Variants in LDB2 observed in about 807,000 individuals in gnomAD.
LDB2 encodes LIM domain-binding protein 2.
In LDB2, 12 loss-of-function variants were observed where a neutral mutation model predicts 44.3. The ratio of observed to expected loss-of-function variants is 0.27; its 90% CI spans 0.17 to 0.44. The LOEUF (loss-of-function observed/expected upper bound fraction) is 0.44, where lower values mean the gene tolerates loss of function less well. LDB2 is among the 20% of genes least tolerant of loss of function. The pLI, the probability that LDB2 is intolerant of heterozygous loss-of-function variation, is 1.00. For synonymous variants in LDB2, 164 were observed against 174.8 expected, an observed-to-expected ratio of 0.94 and a Z score of 0.49; for missense variants, 344 against 473.5, an observed-to-expected ratio of 0.73 and a Z score of 2.54.
At chr4:16,787,882 G>A (rs765776460) in intron 1 of LDB2, among the ~76,000 whole-genome samples, 1 of 152,156 alleles carries the variant, frequency 6.6e-6, no homozygotes, top group Non-Finnish European at 1.5e-5. Flanking sequence ...TGTAAATATT[G>A]TTACTAGAAA....
chr4:16,805,268 G>A (rs1778564445), intron 1 of LDB2, among the ~76,000 whole-genome samples: 1 of 152,194 alleles, frequency 6.6e-6, no homozygotes, highest in Admixed American at 6.5e-5. Flanking sequence ...TGGAAGGGAT[G>A]AAAGCATTCG....
At chr4:16,508,711 G>C (rs190495379) in intron 6 of LDB2, 25 bp from the exon 7 acceptor site, 1 of 1,610,730 alleles carries the variant, frequency 6.2e-7, no homozygotes, top group Admixed American at 1.7e-5. Context: ...AGGGAAGAGG[G>C]ATCAGTTCTA....
At chr4:16,802,420 C>A (rs1188333390) in intron 1 of LDB2, among the ~76,000 whole-genome samples, 1 of 152,080 alleles carries the variant, frequency 6.6e-6, no homozygotes, top group Non-Finnish European at 1.5e-5. Context: ...GGGTGTGTTC[C>A]TTCCTGGGGA....
chr4:16,808,600 G>C (rs1267503778), intron 1 of LDB2, among the ~76,000 whole-genome samples: 1 of 152,164 alleles, frequency 6.6e-6, no homozygotes, highest in African/African-American at 2.4e-5. Context: ...ACTTGAGACA[G>C]TTTTGATTTA....
chr4:16,631,352 T>C (rs13140651), intron 2 of LDB2, among the ~76,000 whole-genome samples: 138,023 of 152,174 alleles, frequency 0.91, 62,650 homozygotes, highest in Admixed American at 0.95. Context: ...AATAATGAAA[T>C]GAAGGCAGAA....
At chr4:16,850,120 A>C (rs1237379542) in intron 1 of LDB2, among the ~76,000 whole-genome samples, 1 of 152,200 alleles carries the variant, frequency 6.6e-6, no homozygotes, top group African/African-American at 2.4e-5. Flanking sequence ...AGGTAGCATT[A>C]GAAAGAGGGC....
intron 1 of LDB2, among the ~76,000 whole-genome samples, chr4:16,839,124 T>C (rs539111806): frequency 3.3e-5 from 5 of 152,324 alleles, no homozygotes; most frequent in East Asian, 1.9e-4. Context: ...TACAAGCTTA[T>C]ATTTAAGCAA....
At chr4:16,560,019 C>G (rs369067465) in intron 5 of LDB2, among the ~76,000 whole-genome samples, 2 of 152,040 alleles carry the variant, frequency 1.3e-5, no homozygotes, top group Admixed American at 6.6e-5. Context: ...TGAAACCAAC[C>G]AGAACAAAGA....
intron 2 of LDB2, among the ~76,000 whole-genome samples, chr4:16,695,603 CAATTTTTTTCTGTAAAGGATTAAATACTA>C (rs1751946056): frequency 6.6e-6 from 1 of 152,120 alleles, no homozygotes; most frequent in South Asian, 2.1e-4. Context: ...TAGGGATTGT[CAATTTTTTTCTGTAAAGGATTAAATACTA>C]AATATTTTAG....
intron 2 of LDB2, among the ~76,000 whole-genome samples, chr4:16,632,885 C>G (rs1164825491): frequency 3.9e-5 from 6 of 152,160 alleles, no homozygotes; most frequent in Non-Finnish European, 7.4e-5. Flanking sequence ...GTGGCAATTC[C>G]TCAAGGATCT....
intron 1 of LDB2, among the ~76,000 whole-genome samples, chr4:16,883,723 G>C (rs569746336): frequency 5.9e-5 from 9 of 152,258 alleles, no homozygotes; most frequent in African/African-American, 1.4e-4. Flanking sequence ...CAGGCTGACG[G>C]CCAGCACATC....
intron 2 of LDB2, among the ~76,000 whole-genome samples, chr4:16,703,446 T>C (rs1170487026): frequency 1.3e-5 from 2 of 152,212 alleles, no homozygotes; most frequent in Non-Finnish European, 2.9e-5. Flanking sequence ...AATAAGGTCA[T>C]TGTCATGGCC....
intron 2 of LDB2, among the ~76,000 whole-genome samples, chr4:16,680,003 T>A (rs1417134157): frequency 6.6e-6 from 1 of 152,090 alleles, no homozygotes; most frequent in Non-Finnish European, 1.5e-5. Context: ...CCCCCCAAAT[T>A]CCTGTATTGA....
chr4:16,512,408 C>T (rs1722105293), intron 5 of LDB2, among the ~76,000 whole-genome samples: 1 of 151,838 alleles, frequency 6.6e-6, no homozygotes, highest in Non-Finnish European at 1.5e-5. Context: ...ATATATGTAG[C>T]TCTATTCTGA....
intron 2 of LDB2, among the ~76,000 whole-genome samples, chr4:16,714,655 C>T (rs1756668059): frequency 6.6e-6 from 1 of 152,120 alleles, no homozygotes; most frequent in Admixed American, 6.5e-5. Context: ...AATATATTCT[C>T]TTACAGTTGT....
intron 5 of LDB2, among the ~76,000 whole-genome samples, chr4:16,561,063 T>C (rs1403779658): frequency 2.0e-5 from 3 of 152,158 alleles, no homozygotes; most frequent in African/African-American, 7.2e-5. Flanking sequence ...TGATGGGACA[T>C]ATCTCAAAAT....
chr4:16,667,049 C>T (rs1743457163), intron 2 of LDB2, among the ~76,000 whole-genome samples: 1 of 152,174 alleles, frequency 6.6e-6, no homozygotes, highest in Non-Finnish European at 1.5e-5. Context: ...GCACCTGGGA[C>T]TGTCAAGGGC....
chr4:16,674,851 A>C (rs895022866), intron 2 of LDB2, among the ~76,000 whole-genome samples: 24 of 152,060 alleles, frequency 1.6e-4, no homozygotes, highest in Admixed American at 1.6e-3. Context: ...TCTTCGGTGA[A>C]TTTCCCACCA....
In LDB2 at chr4:16,890,615, G is replaced by A. The variant is rs542323938; in HGVS notation, c.132+7739C>T. On this transcript the variant is annotated intron_variant, in intron 1 of 7. Transcript: ENST00000304523. ...GGAGGCAACATCCCTTTACCAATAT[G>A]CTCCAGGACAGACCATACAGTGAAA... is the stretch of plus-strand genomic sequence containing the variant. Among the ~76,000 whole-genome samples, 6 of 152,296 alleles carry A rather than the reference G, an allele frequency of 3.9e-5. No homozygotes were observed. The South Asian group carries it at 1.2e-3, about 32-fold the overall frequency.
Sources: allele counts gnomAD v4.1 joint callset (sites outside exome capture counted in the v4.1 genomes callset), GRCh38; gene constraint gnomAD v4.1.1; transcripts MANE v1.5; gene names NCBI Gene and HGNC (gene_info 2026-07-23, HGNC 2026-07-21).